Variants in NALF1 observed in about 807,000 individuals in gnomAD.
NALF1 encodes NALCN channel auxiliary factor 1, also known as family with sequence similarity 155 member A.
A neutral mutation model predicts 48.4 loss-of-function variants in NALF1; 3 were observed. The ratio of observed to expected loss-of-function variants is 0.06; its 90% CI spans 0.03 to 0.16. The LOEUF (loss-of-function observed/expected upper bound fraction) is 0.16. Among genes scored for constraint, NALF1 ranks in the 10% least tolerant of loss-of-function variants. The pLI, the probability that NALF1 is intolerant of heterozygous loss-of-function variation, is 1.00. For missense variants in NALF1, 526 were observed against 571.5 expected (o/e 0.92, Z 0.81); for synonymous variants, 262 against 245.7 (o/e 1.07, Z -0.62).
intron 1 of NALF1, among the ~76,000 whole-genome samples, chr13:107,439,751 TTTCAG>T (rs1884526143): frequency 6.6e-6 from 1 of 152,234 alleles, no homozygotes; most frequent in African/African-American, 2.4e-5. Context: ...CGTGTCATGA[TTTCAG>T]CACTTCTTTG....
At chr13:107,582,845 A>G (rs181287862) in intron 1 of NALF1, among the ~76,000 whole-genome samples, 4 of 152,286 alleles carry the variant, frequency 2.6e-5, no homozygotes, top group African/African-American at 9.6e-5. Flanking sequence ...TGTGTAATCA[A>G]TGTGTAGCCT....
At chr13:107,551,992 T>C (rs924190120) in intron 1 of NALF1, among the ~76,000 whole-genome samples, 8 of 152,136 alleles carry the variant, frequency 5.3e-5, no homozygotes, top group Non-Finnish European at 8.8e-5. Context: ...TAAAGGTTAA[T>C]AAACATCTTC....
At chr13:107,283,578 C>T (rs1881430411) in intron 1 of NALF1, among the ~76,000 whole-genome samples, 1 of 152,068 alleles carries the variant, frequency 6.6e-6, no homozygotes, top group Admixed American at 6.6e-5. Context: ...CAGTTTGGAA[C>T]TCTGGTGTCT....
At chr13:107,240,851 T>C (rs1489305958) in intron 1 of NALF1, among the ~76,000 whole-genome samples, 1 of 151,652 alleles carries the variant, frequency 6.6e-6, no homozygotes, top group Non-Finnish European at 1.5e-5. Flanking sequence ...GGGAGAGTGT[T>C]GCAAGTAAAG....
intron 1 of NALF1, among the ~76,000 whole-genome samples, chr13:107,594,170 T>A (rs1423322671): frequency 6.6e-6 from 1 of 152,026 alleles, no homozygotes; most frequent in Non-Finnish European, 1.5e-5. Flanking sequence ...TGGGCTGTAG[T>A]CTACATAATC....
chr13:107,501,814 C>T (rs1875534388), intron 1 of NALF1, among the ~76,000 whole-genome samples: 1 of 152,230 alleles, frequency 6.6e-6, no homozygotes, highest in South Asian at 2.1e-4. Flanking sequence ...ATTATAGCAA[C>T]AACTAACAAT....
chr13:107,562,941 T>G (rs1392657910), intron 1 of NALF1, among the ~76,000 whole-genome samples: 1 of 152,240 alleles, frequency 6.6e-6, no homozygotes, highest in Non-Finnish European at 1.5e-5. Context: ...TTTTGAAATG[T>G]TGGAGCTGAG....
At chr13:107,336,223 C>T (rs930325209) in intron 1 of NALF1, among the ~76,000 whole-genome samples, 4 of 151,980 alleles carry the variant, frequency 2.6e-5, no homozygotes, top group Non-Finnish European at 4.4e-5. Flanking sequence ...CATGGTGGTG[C>T]ATGCCTGTAA....
intron 1 of NALF1, among the ~76,000 whole-genome samples, chr13:107,385,244 G>A (rs1407488079): frequency 1.3e-5 from 2 of 151,712 alleles, no homozygotes; most frequent in Non-Finnish European, 1.5e-5. Flanking sequence ...AAATAAAAAC[G>A]TCTTCAATTG....
intron 1 of NALF1, among the ~76,000 whole-genome samples, chr13:107,335,393 G>T (rs1372264952): frequency 1.3e-5 from 2 of 152,188 alleles, no homozygotes; most frequent in South Asian, 2.1e-4. Flanking sequence ...AACGGATCAA[G>T]TGTTTTGAAG....
chr13:107,171,331 TGA>T (rs1371863351), intron 2 of NALF1, among the ~76,000 whole-genome samples: 1 of 152,232 alleles, frequency 6.6e-6, no homozygotes, highest in East Asian at 1.9e-4. Flanking sequence ...CGGGTCATTT[TGA>T]TTTATTTTCT....
At chr13:107,242,764 T>G (rs1299955358) in intron 1 of NALF1, among the ~76,000 whole-genome samples, 1 of 152,138 alleles carries the variant, frequency 6.6e-6, no homozygotes, top group Admixed American at 6.5e-5. Context: ...AAGTTCTATA[T>G]AACCTTGTAT....
At chr13:107,282,513 T>C (rs1486674121) in intron 1 of NALF1, among the ~76,000 whole-genome samples, 1 of 152,194 alleles carries the variant, frequency 6.6e-6, no homozygotes, top group African/African-American at 2.4e-5. Flanking sequence ...CATATCTCTA[T>C]GTGGTTCCCT....
chr13:107,422,473 G>GTCATCATCATCA (rs71121528), intron 1 of NALF1, among the ~76,000 whole-genome samples: 6 of 151,096 alleles, frequency 4.0e-5, no homozygotes, highest in Admixed American at 1.3e-4. Flanking sequence ...AATCATAACA[G>GTCATCATCATCA]TCATCATCAT....
At chr13:107,205,368 A>T (rs555639279) in intron 2 of NALF1, among the ~76,000 whole-genome samples, 124 of 149,350 alleles carry the variant, frequency 8.3e-4, no homozygotes, top group African/African-American at 2.7e-3. Flanking sequence ...CCAAACATTT[A>T]AAAAAAAAAT....
intron 1 of NALF1, among the ~76,000 whole-genome samples, chr13:107,308,035 T>C (rs1881971124): frequency 6.6e-6 from 1 of 152,148 alleles, no homozygotes; most frequent in East Asian, 1.9e-4. Context: ...GCCATTAATA[T>C]TATAAAATAT....
intron 1 of NALF1, among the ~76,000 whole-genome samples, chr13:107,249,484 T>C (rs994520048): frequency 6.6e-6 from 1 of 152,032 alleles, no homozygotes; most frequent in Admixed American, 6.5e-5. Flanking sequence ...CTAATGAAAA[T>C]ATCAACTTTA....
At chr13:107,806,835 T>C (rs1878805147) in intron 1 of NALF1, among the ~76,000 whole-genome samples, 1 of 152,160 alleles carries the variant, frequency 6.6e-6, no homozygotes, top group Non-Finnish European at 1.5e-5. Context: ...CAATAACATA[T>C]ACTTAAAAAC....
chr13:107,471,980 C>T (rs1241113922), intron 1 of NALF1, among the ~76,000 whole-genome samples: 1 of 152,182 alleles, frequency 6.6e-6, no homozygotes, highest in African/African-American at 2.4e-5. Flanking sequence ...AACTTACCAA[C>T]AGTACTTTTT....
Sources: gnomAD v4.1 joint callset for allele counts (sites outside exome capture counted in the v4.1 genomes callset) on GRCh38, gnomAD v4.1.1 for gene constraint, MANE v1.5 for transcripts, NCBI Gene and HGNC (gene_info 2026-07-23, HGNC 2026-07-21) for gene names.